Variants in LGSN observed in about 807,000 individuals in gnomAD.
LGSN encodes lengsin.
LGSN carries 21 observed loss-of-function variants against 19.5 expected under a neutral mutation model. The observed-to-expected ratio is 1.07, with a 90% confidence interval of 0.76 to 1.55. LGSN has a LOEUF of 1.55. LGSN is among the 40% of genes most tolerant of loss of function. LGSN has a pLI of 0.00. For missense variants in LGSN, 673 were observed against 608.5 expected (o/e 1.11, Z -1.12); for synonymous variants, 257 against 215.6 (o/e 1.19, Z -1.68).
At chr6:63,346,605 T>G in the LGSN span, among the ~76,000 whole-genome samples, 1 of 152,044 alleles carries the variant, frequency 6.6e-6, no homozygotes, top group Non-Finnish European at 1.5e-5. Flanking sequence ...ATTAAATGAT[T>G]TAACCTAAGG....
At chr6:63,552,222 A>G in the LGSN span, among the ~76,000 whole-genome samples, 2 of 152,206 alleles carry the variant, frequency 1.3e-5, no homozygotes, top group African/African-American at 2.4e-5. Flanking sequence ...AATGATTGGC[A>G]TTCTAACTGG....
the LGSN span, among the ~76,000 whole-genome samples, chr6:63,463,756 T>C: frequency 2.6e-5 from 4 of 152,170 alleles, no homozygotes; most frequent in South Asian, 8.3e-4. Context: ...ACAATTTAGT[T>C]AATGACATAT....
the LGSN span, among the ~76,000 whole-genome samples, chr6:63,334,016 T>C: frequency 2.0e-5 from 3 of 152,212 alleles, no homozygotes; most frequent in Admixed American, 1.3e-4. Context: ...AGCTGACATT[T>C]TACTAAATAG....
At chr6:63,499,072 C>T in the LGSN span, among the ~76,000 whole-genome samples, 1 of 152,102 alleles carries the variant, frequency 6.6e-6, no homozygotes, top group Non-Finnish European at 1.5e-5. Context: ...AGTGAATCTG[C>T]TTTGTGTATA....
the LGSN span, among the ~76,000 whole-genome samples, chr6:63,470,839 G>A: frequency 8.0e-5 from 12 of 150,642 alleles, no homozygotes; most frequent in African/African-American, 2.7e-4. Context: ...ATAAGTGTAA[G>A]TACAGTGAAG....
At chr6:63,378,733 C>T in the LGSN span, among the ~76,000 whole-genome samples, 2,452 of 152,168 alleles carry the variant, frequency 0.016, 30 homozygotes, top group Non-Finnish European at 0.023. Context: ...AGTGAGAACT[C>T]ACACAACCCC....
At chr6:63,443,164 C>T in the LGSN span, among the ~76,000 whole-genome samples, 3 of 152,212 alleles carry the variant, frequency 2.0e-5, no homozygotes, top group Non-Finnish European at 2.9e-5. Flanking sequence ...GACCCGGTGC[C>T]CCCTCCACAG....
upstream of LGSN, among the ~76,000 whole-genome samples, chr6:63,324,008 G>C (rs940516902): frequency 6.6e-5 from 10 of 152,022 alleles, no homozygotes; most frequent in South Asian, 1.2e-3. Context: ...CCTGACCTCA[G>C]GTGATCCACC....
chr6:63,492,444 AG>A, the LGSN span, among the ~76,000 whole-genome samples: 16 of 152,256 alleles, frequency 1.1e-4, no homozygotes, highest in African/African-American at 3.9e-4. Context: ...GTAATTATAC[AG>A]TGACTTCACA....
At chr6:63,387,879 AT>A in the LGSN span, among the ~76,000 whole-genome samples, 2 of 151,466 alleles carry the variant, frequency 1.3e-5, no homozygotes, top group Non-Finnish European at 1.5e-5. Flanking sequence ...TGATTTATTG[AT>A]TTTGAGTCAG....
chr6:63,520,999 C>T, the LGSN span, among the ~76,000 whole-genome samples: 2,490 of 152,102 alleles, frequency 0.016, 73 homozygotes, highest in African/African-American at 0.056. Context: ...AACCAAACAC[C>T]GCATGGTCTC....
the LGSN span, among the ~76,000 whole-genome samples, chr6:63,550,773 C>T: frequency 2.0e-5 from 3 of 151,896 alleles, no homozygotes; most frequent in Admixed American, 2.0e-4. Flanking sequence ...TATAGGCACC[C>T]ACCACCATGC....
chr6:63,468,509 C>G, the LGSN span, among the ~76,000 whole-genome samples: 1 of 152,104 alleles, frequency 6.6e-6, no homozygotes. Flanking sequence ...TTCACTGCAG[C>G]CTCTGCCTCC....
chr6:63,364,652 C>G, the LGSN span, among the ~76,000 whole-genome samples: 1 of 152,198 alleles, frequency 6.6e-6, no homozygotes, highest in Non-Finnish European at 1.5e-5. Context: ...AGAACCAGCT[C>G]ACACTTATTC....
the LGSN span, among the ~76,000 whole-genome samples, chr6:63,356,137 A>T: frequency 6.6e-6 from 1 of 152,200 alleles, no homozygotes; most frequent in Non-Finnish European, 1.5e-5. Flanking sequence ...CTACATCTGC[A>T]AACACTGTAT....
chr6:63,355,996 T>A, the LGSN span, among the ~76,000 whole-genome samples: 1 of 152,178 alleles, frequency 6.6e-6, no homozygotes, highest in Non-Finnish European at 1.5e-5. Context: ...TGTCTTCACA[T>A]GGTGTTATTC....
the LGSN span, among the ~76,000 whole-genome samples, chr6:63,406,259 G>T: frequency 1.3e-5 from 2 of 152,068 alleles, no homozygotes; most frequent in East Asian, 3.9e-4. Context: ...TATTCCAAAA[G>T]TGACCACGTA....
the LGSN span, among the ~76,000 whole-genome samples, chr6:63,493,218 G>A: frequency 1.3e-5 from 2 of 152,124 alleles, no homozygotes; most frequent in Non-Finnish European, 2.9e-5. Context: ...CAAAGACCCC[G>A]GGTTGGTTTA....
chr6:63,317,716 C>G (rs998953416), intron 1 of LGSN, among the ~76,000 whole-genome samples: 3 of 152,134 alleles, frequency 2.0e-5, no homozygotes, highest in Admixed American at 2.0e-4. Context: ...TCTAGAAGGT[C>G]AGGTAGAGCC....
Sources: gnomAD v4.1 joint callset for allele counts (sites outside exome capture counted in the v4.1 genomes callset) on GRCh38, gnomAD v4.1.1 for gene constraint, MANE v1.5 for transcripts, NCBI Gene and HGNC (gene_info 2026-07-23, HGNC 2026-07-21) for gene names.